Variants in LUC7L observed in about 807,000 individuals in gnomAD.
LUC7L encodes LUC7 like, also known as putative RNA-binding protein Luc7-like 1.
A neutral mutation model predicts 51.1 loss-of-function variants in LUC7L; 29 were observed. The observed-to-expected ratio is 0.57, with a 90% CI of 0.42 to 0.77. LUC7L has a LOEUF of 0.77. Among genes scored for constraint, LUC7L ranks in the 30% least tolerant of loss-of-function variants. LUC7L has a pLI of 0.00. For missense variants in LUC7L, 403 were observed against 511.9 expected (o/e 0.79, Z 2.05); for synonymous variants, 181 against 180.7 (o/e 1.00, Z -0.01).
At chr16:229,046 A>G (rs2050201954) in intron 1 of LUC7L, 4 of 1,419,840 alleles carry the variant, frequency 2.8e-6, no homozygotes, top group Admixed American at 5.8e-5. Context: ...AGGAGGCTGA[A>G]GCCCCATCCA....
chr16:213,844 A>G (rs576953461), intron 3 of LUC7L, among the ~76,000 whole-genome samples: 1 of 152,020 alleles, frequency 6.6e-6, no homozygotes, highest in East Asian at 1.9e-4. Context: ...CCTCCAAAGT[A>G]GCTGGGATTA....
intron 2 of LUC7L, among the ~76,000 whole-genome samples, chr16:225,029 G>C (rs781397935): frequency 6.6e-6 from 1 of 152,184 alleles, no homozygotes; most frequent in Non-Finnish European, 1.5e-5. Context: ...ACATCAAGCA[G>C]AGCTGAAATA....
At chr16:220,213 G>C (rs2049927442) in intron 3 of LUC7L, 1 of 152,788 alleles carries the variant, frequency 6.5e-6, no homozygotes, top group African/African-American at 2.4e-5. Context: ...AGCAAAACTA[G>C]AATCAATCTA....
At chr16:218,726 A>G (rs2049880970) in intron 3 of LUC7L, among the ~76,000 whole-genome samples, 2 of 152,030 alleles carry the variant, frequency 1.3e-5, no homozygotes, top group Non-Finnish European at 2.9e-5. Flanking sequence ...GTCTCAAAAA[A>G]ACAGAAAAAA....
intron 1 of LUC7L, 97 bp downstream of exon 1, chr16:229,182 C>T: frequency 6.7e-7 from 1 of 1,483,076 alleles, no homozygotes; most frequent in Non-Finnish European, 8.9e-7. Context: ...CCCGCGCAGG[C>T]GCAGGCGCAG....
At chr16:189,852 T>C (rs1440032859) in intron 9 of LUC7L, 116 bp downstream of exon 9, 1 of 1,488,988 alleles carries the variant, frequency 6.7e-7, no homozygotes, top group Non-Finnish European at 8.9e-7. Context: ...TCCCCAGCCC[T>C]ACTCCTGAGG....
chr16:225,650 C>T (rs2050110904), intron 2 of LUC7L, among the ~76,000 whole-genome samples: 2 of 151,224 alleles, frequency 1.3e-5, no homozygotes, highest in Non-Finnish European at 2.9e-5. Flanking sequence ...CCACACCCAG[C>T]TAATTTTGTA....
intron 6 of LUC7L, among the ~76,000 whole-genome samples, chr16:195,326 T>G (rs1477874466): frequency 6.6e-6 from 1 of 151,848 alleles, no homozygotes; most frequent in African/African-American, 2.4e-5. Context: ...AGACTCAGGA[T>G]GCAGGGCCAC....
chr16:217,707 CAA>C (rs1244195088), intron 3 of LUC7L, among the ~76,000 whole-genome samples: 1 of 105,150 alleles, frequency 9.5e-6, no homozygotes. Context: ...GACTCTGTTT[CAA>C]AAAAAAAAAA....
chr16:220,284 T>A (rs2858091), intron 3 of LUC7L: 37,688 of 161,032 alleles, frequency 0.23, 5,361 homozygotes, highest in East Asian at 0.33. Flanking sequence ...GAAAACTATA[T>A]GCAACAACCT....
rs1183436332 is a variant in LUC7L, at chr16:196,426, AC to A, written c.687+2635del. 7.4e-3 allele frequency among the ~76,000 whole-genome samples: 1,109 copies of A among 150,688 alleles called. 17 individuals carry two copies. Among genetic ancestry groups the A allele is most frequent in the African/African-American group, 0.025 (987 of 40,196 alleles). ...CTGCCTCAAACAAACAAACAAACAA[AC>A]AAAAAAAACCCAACAACTACAGTAG... On this transcript the variant is annotated intron_variant, in intron 6 of 9. Coordinates refer to ENST00000293872, the MANE Select transcript of LUC7L (RefSeq NM_201412.3).
At chr16:226,161 C>G (rs977555650) in intron 2 of LUC7L, among the ~76,000 whole-genome samples, 1 of 152,196 alleles carries the variant, frequency 6.6e-6, no homozygotes, top group African/African-American at 2.4e-5. Context: ...GCATTCATTT[C>G]GCATTTGCTG....
At chr16:228,642 C>T in intron 1 of LUC7L, 1 of 1,181,852 alleles carries the variant, frequency 8.5e-7, no homozygotes, top group Non-Finnish European at 1.1e-6. Context: ...AAGATGCAAC[C>T]GCTTTCTCCT....
At chr16:226,802 G>A (rs983709254) in intron 2 of LUC7L, among the ~76,000 whole-genome samples, 2 of 152,150 alleles carry the variant, frequency 1.3e-5, no homozygotes, top group South Asian at 2.1e-4. Context: ...AAAAAATCTG[G>A]TAACTTTACA....
chr16:208,950 C>T (rs1322121237), intron 3 of LUC7L: 1 of 152,220 alleles, frequency 6.6e-6, no homozygotes, highest in Non-Finnish European at 1.5e-5. Context: ...AATCCCAGCA[C>T]TTTGTGAGGC....
chr16:193,337 G>A (rs189238162), intron 6 of LUC7L, among the ~76,000 whole-genome samples: 142 of 151,728 alleles, frequency 9.4e-4, no homozygotes, highest in African/African-American at 3.3e-3. Flanking sequence ...AGTAGAGATG[G>A]GGTTTCACCA....
intron 1 of LUC7L, chr16:228,081 G>A: frequency 1.7e-6 from 2 of 1,149,700 alleles, no homozygotes; most frequent in Admixed American, 4.1e-5. Flanking sequence ...CTGCAGTAAG[G>A]AAGTCGGGGG....
intron 5 of LUC7L, among the ~76,000 whole-genome samples, chr16:199,756 CAAA>C (rs11361921): frequency 1.1e-4 from 7 of 61,706 alleles, no homozygotes; most frequent in African/African-American, 2.2e-4. Context: ...AACCCTGTCT[CAAA>C]AAAAAAAAAA....
At position 203,745 on chromosome 16, in the gene LUC7L, G is replaced by A. The variant is rs908220780; in HGVS notation, c.510+2259C>T. On this transcript the variant is annotated intron_variant, in intron 5 of 9. Transcript: ENST00000293872. Reference sequence around the variant, plus strand: ...GGTGGAGGTGGGGAGGGCTGGGCGCGGTGGCTCACACCTGTAATCCCAGCA... The same window carrying A: ...GGTGGAGGTGGGGAGGGCTGGGCGCAGTGGCTCACACCTGTAATCCCAGCA... Among the ~76,000 whole-genome samples, 30 of 150,696 alleles carry A rather than the reference G, an allele frequency of 2.0e-4. 1 individual carries two copies. The highest frequency in any genetic ancestry group is 3.3e-4 in the Non-Finnish European group (22 of 67,622).
Sources: allele counts gnomAD v4.1 joint callset (sites outside exome capture counted in the v4.1 genomes callset), GRCh38; gene constraint gnomAD v4.1.1; transcripts MANE v1.5; gene names NCBI Gene and HGNC (gene_info 2026-07-23, HGNC 2026-07-21).